Variants in LYPD6B observed in about 807,000 individuals in gnomAD.
LYPD6B encodes ly6/PLAUR domain-containing protein 6B.
LYPD6B carries 17 observed loss-of-function variants against 22.8 expected under a neutral mutation model. The ratio of observed to expected loss-of-function variants is 0.75; its 90% CI spans 0.51 to 1.12. The LOEUF (loss-of-function observed/expected upper bound fraction) is 1.12, where lower values mean the gene tolerates loss of function less well. Ranked by LOEUF, LYPD6B falls within the 50% of genes most tolerant of loss-of-function variation. The pLI is 0.00. For missense variants in LYPD6B, 221 were observed against 258.3 expected, an observed-to-expected ratio of 0.86 and a Z score of 0.99; for synonymous variants, 106 against 91.6, an observed-to-expected ratio of 1.16 and a Z score of -0.90.
At chr2:149,092,568 G>C (rs1401591953) in intron 1 of LYPD6B, among the ~76,000 whole-genome samples, 1 of 152,190 alleles carries the variant, frequency 6.6e-6, no homozygotes, top group African/African-American at 2.4e-5. Context: ...TGGCCACCCA[G>C]AGCAAGACTA....
chr2:149,112,454 A>G (rs1686804606), intron 1 of LYPD6B, among the ~76,000 whole-genome samples: 1 of 152,192 alleles, frequency 6.6e-6, no homozygotes, highest in Non-Finnish European at 1.5e-5. Flanking sequence ...ACAAAAAGCT[A>G]TGCAGAGAAA....
intron 1 of LYPD6B, among the ~76,000 whole-genome samples, chr2:149,098,241 C>T (rs1051594441): frequency 5.3e-5 from 8 of 152,146 alleles, no homozygotes; most frequent in African/African-American, 1.9e-4. Flanking sequence ...GTTTCTCTAA[C>T]TTTTACATTC....
chr2:149,069,547 T>A (rs1286402781), intron 1 of LYPD6B, among the ~76,000 whole-genome samples: 1 of 152,164 alleles, frequency 6.6e-6, no homozygotes, highest in Non-Finnish European at 1.5e-5. Flanking sequence ...AGCATCTTAT[T>A]TATGTTGAGA....
At chr2:149,206,987 T>C (rs13411092) in intron 4 of LYPD6B, among the ~76,000 whole-genome samples, 29,540 of 152,076 alleles carry the variant, frequency 0.19, 3,005 homozygotes, top group East Asian at 0.36. Context: ...TGAAAATCGT[T>C]TTAAATTCAC....
intron 5 of LYPD6B, 114 bp from the exon 6 acceptor site, chr2:149,212,878 G>A: frequency 1.9e-6 from 2 of 1,057,990 alleles, no homozygotes; most frequent in Non-Finnish European, 2.7e-6. Flanking sequence ...AAAAACCCCA[G>A]GACTGGCCTG....
At chr2:149,107,089 C>A (rs1686514909) in intron 1 of LYPD6B, among the ~76,000 whole-genome samples, 1 of 152,070 alleles carries the variant, frequency 6.6e-6, no homozygotes, top group Non-Finnish European at 1.5e-5. Flanking sequence ...AATAATAGAA[C>A]AATTATAAGA....
At position 149,100,090 on chromosome 2, in the gene LYPD6B, T is replaced by G. The variant is rs527619523; in HGVS notation, c.-66-30793T>G. On this transcript the variant is annotated intron_variant, in intron 1 of 6. Transcript: ENST00000409642. The stretch of plus-strand genomic sequence containing the variant: ...TTCCTCTTAGGAAAAGATTGATTTT[T>G]GATGCTGGCCAGGGGCAGCTGGGGA... 5.9e-5 allele frequency among the ~76,000 whole-genome samples: 9 copies of G among 152,262 alleles called. No individual in the cohort carries two copies. The East Asian group carries it at 9.6e-4, about 16-fold the overall frequency.
chr2:149,100,828 GA>G (rs1000812954), intron 1 of LYPD6B, among the ~76,000 whole-genome samples: 3 of 152,144 alleles, frequency 2.0e-5, no homozygotes, highest in Non-Finnish European at 4.4e-5. Flanking sequence ...GCTGAGCTGT[GA>G]GTGACCTAGA....
chr2:149,060,831 G>A (rs904102351), intron 1 of LYPD6B, among the ~76,000 whole-genome samples: 1 of 152,106 alleles, frequency 6.6e-6, no homozygotes, highest in Non-Finnish European at 1.5e-5. Context: ...AACATTATGG[G>A]GCACAGGCTG....
At chr2:149,085,534 A>G (rs1685348028) in intron 1 of LYPD6B, among the ~76,000 whole-genome samples, 1 of 152,206 alleles carries the variant, frequency 6.6e-6, no homozygotes, top group Non-Finnish European at 1.5e-5. Flanking sequence ...AAGTTGAGTT[A>G]GGTAATTGAC....
At chr2:149,188,886 A>G (rs554418210) in intron 3 of LYPD6B, among the ~76,000 whole-genome samples, 31 of 152,228 alleles carry the variant, frequency 2.0e-4, no homozygotes, top group African/African-American at 7.0e-4. Flanking sequence ...CATTTTCACA[A>G]TGAGGAAACT....
Position 149,206,094 on chromosome 2 carries a change from G to A in LYPD6B, c.229+690G>A, listed in dbSNP as rs536359829. Reference sequence around the variant, plus strand: ...AAAAAATTATTTGGTATACATGTGGGTACCTGTAGTTCCCACGCCTGGAAG... The same window carrying A: ...AAAAAATTATTTGGTATACATGTGGATACCTGTAGTTCCCACGCCTGGAAG... On this transcript the variant is annotated intron_variant, in intron 4 of 6. Transcript: ENST00000409642. The A allele has an allele frequency of 5.2e-5, 23 of 444,348 alleles. No individual in the cohort carries two copies. In the Admixed American group the frequency reaches 5.7e-4, roughly 11 times the overall value. The allele number at this position is 444,348 out of a possible 1,614,324, so 27.5% of individuals were successfully genotyped here. A position where few individuals can be genotyped will look rare whatever the true frequency, so the allele number is the denominator to read the frequency against.
rs148321739 is a variant in LYPD6B at position 149,151,107 on chromosome 2, C to T, written c.6-9657C>T. On this transcript the variant is annotated intron_variant, in intron 2 of 6. Coordinates refer to ENST00000409642, the MANE Select transcript of LYPD6B (RefSeq NM_177964.5). ...TGTTATTTTTGGCCCCACTTTTTCA[C>T]GTGGGAGGTTTGCCTCCAATGTCTG... is the stretch of plus-strand genomic sequence containing the variant. Among the ~76,000 whole-genome samples, 335 of 152,184 alleles carry T rather than the reference C, an allele frequency of 2.2e-3. 1 individual carries two copies. The highest frequency in any genetic ancestry group is 0.01 in the Middle Eastern group (3 of 292).
At chr2:149,146,301 T>C (rs1170004699) in intron 2 of LYPD6B, among the ~76,000 whole-genome samples, 1 of 151,526 alleles carries the variant, frequency 6.6e-6, no homozygotes, top group Non-Finnish European at 1.5e-5. Flanking sequence ...CCAGGCTGAG[T>C]GGTGCATGCA....
intron 1 of LYPD6B, among the ~76,000 whole-genome samples, chr2:149,125,434 A>G (rs1366381936): frequency 2.6e-5 from 4 of 152,168 alleles, no homozygotes; most frequent in African/African-American, 7.2e-5. Context: ...TCCAGGGGCC[A>G]TGGAATTCTC....
intron 3 of LYPD6B, among the ~76,000 whole-genome samples, chr2:149,189,840 C>T (rs1366014826): frequency 6.6e-6 from 1 of 152,108 alleles, no homozygotes; most frequent in Non-Finnish European, 1.5e-5. Flanking sequence ...TGCCCACCTC[C>T]AAATGATGCA....
intron 1 of LYPD6B, among the ~76,000 whole-genome samples, chr2:149,065,250 C>T (rs1443728276): frequency 1.3e-5 from 2 of 152,192 alleles, no homozygotes; most frequent in East Asian, 1.9e-4. Flanking sequence ...AAACTACTGT[C>T]AAAAGACTTG....
At chr2:149,039,313 T>C (rs1204607900) in intron 1 of LYPD6B, among the ~76,000 whole-genome samples, 2 of 152,326 alleles carry the variant, frequency 1.3e-5, no homozygotes, top group South Asian at 4.1e-4. Flanking sequence ...CTTTTGTTGT[T>C]GAATAACCTA....
chr2:149,092,244 G>A (rs898821226), intron 1 of LYPD6B, among the ~76,000 whole-genome samples: 1 of 152,054 alleles, frequency 6.6e-6, no homozygotes. Context: ...GTGTGGATAG[G>A]GGAGACGATG....
Sources: allele counts gnomAD v4.1 joint callset (sites outside exome capture counted in the v4.1 genomes callset), GRCh38; gene constraint gnomAD v4.1.1; transcripts MANE v1.5; gene names NCBI Gene and HGNC (gene_info 2026-07-23, HGNC 2026-07-21).